ZBTB20: variants seen among roughly 807,000 people sequenced by gnomAD.
ZBTB20 encodes the protein zinc finger and BTB domain-containing protein 20.
ZBTB20 carries 9 observed loss-of-function variants against 56.9 expected under a neutral mutation model. That is an observed-to-expected ratio of 0.16 (90% CI 0.10 to 0.28). ZBTB20 has a LOEUF of 0.28. Among genes scored for constraint, ZBTB20 ranks in the 10% least tolerant of loss-of-function variants. The pLI, the probability that ZBTB20 is intolerant of heterozygous loss-of-function variation, is 1.00. For synonymous variants in ZBTB20, 417 were observed against 420.7 expected (o/e 0.99, Z 0.11); for missense variants, 655 against 1,003.0 (o/e 0.65, Z 4.69).
At chr3:114,343,833 A>T (rs1317061397) in intron 11 of ZBTB20, among the ~76,000 whole-genome samples, 1 of 152,088 alleles carries the variant, frequency 6.6e-6, no homozygotes, top group Non-Finnish European at 1.5e-5. Context: ...GGATCACCTG[A>T]GGTCAGGAGG....
chr3:114,804,579 C>T (rs1395562485), intron 4 of ZBTB20, among the ~76,000 whole-genome samples: 1 of 151,836 alleles, frequency 6.6e-6, no homozygotes, highest in Non-Finnish European at 1.5e-5. Flanking sequence ...GCATAGAAGG[C>T]TAATTATAAT....
chr3:115,045,552 C>A (rs1443416103), intron 2 of ZBTB20, among the ~76,000 whole-genome samples: 1 of 151,144 alleles, frequency 6.6e-6, no homozygotes, highest in African/African-American at 2.4e-5. Flanking sequence ...TGACCTTAAG[C>A]CTCCTTAAAG....
chr3:114,577,467 G>C (rs1204859377), intron 6 of ZBTB20, among the ~76,000 whole-genome samples: 1 of 152,040 alleles, frequency 6.6e-6, no homozygotes, highest in African/African-American at 2.4e-5. Flanking sequence ...AAAATTCCGT[G>C]AAATATAAAA....
chr3:114,784,970 A>G (rs2070383284), intron 5 of ZBTB20, among the ~76,000 whole-genome samples: 2 of 152,178 alleles, frequency 1.3e-5, no homozygotes, highest in Non-Finnish European at 2.9e-5. Context: ...ATACTATATT[A>G]TAAACAAGGA....
At chr3:114,872,422 TTAA>T (rs1560346419) in intron 4 of ZBTB20, among the ~76,000 whole-genome samples, 2 of 152,022 alleles carry the variant, frequency 1.3e-5, no homozygotes, top group Non-Finnish European at 1.5e-5. Context: ...ATATGATAAT[TTAA>T]GTAGCCAAAA....
intron 1 of ZBTB20, among the ~76,000 whole-genome samples, chr3:115,114,159 G>A (rs2083957612): frequency 6.6e-6 from 1 of 152,140 alleles, no homozygotes; most frequent in Admixed American, 6.5e-5. Flanking sequence ...AACTGCTCTT[G>A]ATGCTCTTAC....
chr3:114,837,085 C>G (rs565838982), intron 4 of ZBTB20, among the ~76,000 whole-genome samples: 1 of 152,292 alleles, frequency 6.6e-6, no homozygotes, highest in South Asian at 2.1e-4. Flanking sequence ...CCAGACTGCT[C>G]TGTTCCTACA....
chr3:114,330,709 A>G lies in ZBTB20; in HGVS notation c.*8296T>C, dbSNP rs1205493714. 1 of 152,216 alleles carries G rather than the reference A, an allele frequency of 6.6e-6. No homozygotes were observed. Among genetic ancestry groups the G allele is most frequent in the African/African-American group, 2.4e-5 (1 of 41,454 alleles). 9.4% of individuals were successfully genotyped at this position (152,216 alleles called of 1,614,324 possible). A position where few individuals can be genotyped will look rare whatever the true frequency, so the allele number is the denominator to read the frequency against. On this transcript the variant is annotated 3_prime_UTR_variant, in exon 12 of 12. Transcript: ENST00000675478. Reference sequence around the variant, plus strand: ...GGAAGGGGAAAAGTCACCAGAATAGAAGAGGAAAGAAAATGTCCTCTGACT... The same window carrying G: ...GGAAGGGGAAAAGTCACCAGAATAGGAGAGGAAAGAAAATGTCCTCTGACT...
intron 1 of ZBTB20, among the ~76,000 whole-genome samples, chr3:115,104,622 A>G (rs1021816302): frequency 6.6e-6 from 1 of 152,202 alleles, no homozygotes; most frequent in Non-Finnish European, 1.5e-5. Context: ...GTACGTATCT[A>G]TACACTGTAT....
chr3:114,906,680 T>C (rs765488690), intron 3 of ZBTB20, among the ~76,000 whole-genome samples: 13 of 151,612 alleles, frequency 8.6e-5, no homozygotes, highest in Non-Finnish European at 1.9e-4. Context: ...GGCTCACTAT[T>C]GATTAGTTCC....
intron 4 of ZBTB20, among the ~76,000 whole-genome samples, chr3:114,833,249 G>A (rs1018711223): frequency 2.6e-5 from 4 of 152,066 alleles, no homozygotes; most frequent in Admixed American, 1.3e-4. Context: ...CTATACCAGC[G>A]TTGTTTTGGT....
At chr3:114,363,183 T>C (rs1396760806) in intron 10 of ZBTB20, among the ~76,000 whole-genome samples, 1 of 152,346 alleles carries the variant, frequency 6.6e-6, no homozygotes, top group East Asian at 1.9e-4. Flanking sequence ...GAGTAACTTA[T>C]TCAGGGTCCA....
intron 3 of ZBTB20, among the ~76,000 whole-genome samples, chr3:114,964,466 A>G (rs1235575197): frequency 6.6e-6 from 1 of 152,162 alleles, no homozygotes; most frequent in African/African-American, 2.4e-5. Flanking sequence ...ACAATATGGT[A>G]AATCATACTC....
chr3:114,664,639 A>C (rs2108110257), intron 6 of ZBTB20, among the ~76,000 whole-genome samples: 1 of 151,966 alleles, frequency 6.6e-6, no homozygotes, highest in Middle Eastern at 3.4e-3. Flanking sequence ...GTACTAGCCT[A>C]GGCCGATATC....
intron 6 of ZBTB20, among the ~76,000 whole-genome samples, chr3:114,517,961 T>C (rs529391249): frequency 6.6e-6 from 1 of 152,296 alleles, no homozygotes; most frequent in South Asian, 2.1e-4. Context: ...CATGGTACTA[T>C]TACCCACTGA....
intron 5 of ZBTB20, among the ~76,000 whole-genome samples, chr3:114,799,824 G>C (rs1267744521): frequency 6.6e-6 from 1 of 151,886 alleles, no homozygotes; most frequent in Admixed American, 6.6e-5. Flanking sequence ...AGGTAACCTT[G>C]CTCTGTCCGT....
intron 3 of ZBTB20, among the ~76,000 whole-genome samples, chr3:114,972,528 T>C (rs750553754): frequency 3.9e-5 from 6 of 152,110 alleles, no homozygotes; most frequent in African/African-American, 7.2e-5. Context: ...CCAGTAAAAG[T>C]AGAAAAATAA....
At chr3:114,585,444 TATC>T (rs2055083063) in intron 6 of ZBTB20, among the ~76,000 whole-genome samples, 1 of 152,100 alleles carries the variant, frequency 6.6e-6, no homozygotes, top group Non-Finnish European at 1.5e-5. Flanking sequence ...TCCCATCTCA[TATC>T]ATTCTATAAA....
At chr3:114,913,137 T>C (rs955452290) in intron 3 of ZBTB20, among the ~76,000 whole-genome samples, 3 of 152,038 alleles carry the variant, frequency 2.0e-5, no homozygotes, top group African/African-American at 7.2e-5. Context: ...GATCTGTTTT[T>C]AGTTTTCTGA....
Sources: gnomAD v4.1 joint callset for allele counts (sites outside exome capture counted in the v4.1 genomes callset) on GRCh38, gnomAD v4.1.1 for gene constraint, MANE v1.5 for transcripts, NCBI Gene and HGNC (gene_info 2026-07-23, HGNC 2026-07-21) for gene names.